The following PRKG2 variants were observed in gnomAD, a reference collection of about 807,000 sequenced individuals.
PRKG2 encodes the protein protein kinase cGMP-dependent 2.
A neutral mutation model predicts 97.2 loss-of-function variants in PRKG2; 33 were observed. That is an observed-to-expected ratio of 0.34 (90% confidence interval 0.26 to 0.45). The LOEUF is 0.45. PRKG2 is among the 20% of genes least tolerant of loss of function. PRKG2 has a pLI of 1.00. For missense variants in PRKG2, 638 were observed against 900.0 expected (o/e 0.71, Z 3.73); for synonymous variants, 330 against 321.8 (o/e 1.03, Z -0.27).
intron 17 of PRKG2, among the ~76,000 whole-genome samples, chr4:81,093,246 CTT>C (rs1189919170): frequency 2.0e-5 from 3 of 151,918 alleles, no homozygotes; most frequent in Non-Finnish European, 4.4e-5. Context: ...CTGGATTGTT[CTT>C]TCTCTAGATT....
rs1008817512 is a variant in PRKG2 at position 81,172,009 on chromosome 4, C to T, written c.629-205G>A. Among the ~76,000 whole-genome samples, 27 of 151,704 alleles carry T rather than the reference C, an allele frequency of 1.8e-4. 1 individual carries two copies. Among genetic ancestry groups the T allele is most frequent in the Admixed American group, 2.0e-4 (3 of 15,194 alleles). On this transcript the variant is annotated intron_variant, in intron 3 of 18. Transcript: ENST00000264399. Reference sequence around the variant, plus strand: ...TAGCTGGGTTGCCTTGAGAAACTTACGCTATCTGTCTGAAGTTCCTCATCA... The same window carrying T: ...TAGCTGGGTTGCCTTGAGAAACTTATGCTATCTGTCTGAAGTTCCTCATCA...
intron 1 of PRKG2, among the ~76,000 whole-genome samples, chr4:81,209,580 G>C (rs962091312): frequency 6.6e-6 from 1 of 152,048 alleles, no homozygotes; most frequent in African/African-American, 2.4e-5. Context: ...ACAAAACAAT[G>C]CTGCCTGTCA....
At chr4:81,118,111 T>C (rs1429896399) in intron 14 of PRKG2, among the ~76,000 whole-genome samples, 3 of 152,228 alleles carry the variant, frequency 2.0e-5, no homozygotes, top group South Asian at 2.1e-4. Context: ...GCTTTGTGGA[T>C]TGGCTTTTTT....
chr4:81,157,226 A>T (rs917792348), intron 6 of PRKG2, among the ~76,000 whole-genome samples: 2 of 152,192 alleles, frequency 1.3e-5, no homozygotes, highest in Non-Finnish European at 2.9e-5. Context: ...AAATAGATGC[A>T]ATAAAAAATG....
chr4:81,213,901 ATTCTTAGTCATACAGCGTTCCAAC>A (rs898459152), intron 1 of PRKG2, among the ~76,000 whole-genome samples: 5 of 152,066 alleles, frequency 3.3e-5, no homozygotes, highest in African/African-American at 1.2e-4. Context: ...CAGGTCGTTT[ATTCTTAGTCATACAGCGTTCCAAC>A]GGAGAGGATG....
intron 1 of PRKG2, among the ~76,000 whole-genome samples, chr4:81,211,040 G>C (rs1753945616): frequency 6.6e-6 from 1 of 152,084 alleles, no homozygotes; most frequent in Non-Finnish European, 1.5e-5. Context: ...CAGGAGCTTG[G>C]GGAAAGACAG....
At chr4:81,178,073 G>A (rs1326837342) in intron 2 of PRKG2, among the ~76,000 whole-genome samples, 2 of 141,226 alleles carry the variant, frequency 1.4e-5, no homozygotes, top group African/African-American at 5.1e-5. Flanking sequence ...AATCCTGGGT[G>A]TCTACCTGGG....
chr4:81,182,974 T>C (rs891583712), intron 2 of PRKG2, among the ~76,000 whole-genome samples: 2 of 152,054 alleles, frequency 1.3e-5, no homozygotes, highest in Non-Finnish European at 2.9e-5. Context: ...TCAGGTTCAA[T>C]GAAATCCCAA....
At chr4:81,116,034 T>C (rs1038699576) in intron 14 of PRKG2, among the ~76,000 whole-genome samples, 3 of 152,228 alleles carry the variant, frequency 2.0e-5, no homozygotes, top group Non-Finnish European at 2.9e-5. Flanking sequence ...TGAATCTTTT[T>C]TTTAACTTTT....
At chr4:81,092,731 C>T (rs557659682) in intron 17 of PRKG2, among the ~76,000 whole-genome samples, 228 of 152,304 alleles carry the variant, frequency 1.5e-3, no homozygotes, top group African/African-American at 5.1e-3. Context: ...TGTATCATGT[C>T]TGAACAGAAG....
intron 14 of PRKG2, among the ~76,000 whole-genome samples, chr4:81,132,587 G>T (rs562746132): frequency 2.0e-5 from 3 of 152,054 alleles, no homozygotes; most frequent in Admixed American, 6.6e-5. Flanking sequence ...GTTTTAATGT[G>T]GATCTCACCC....
chr4:81,217,067 A>ATATATATATATATATATATAT (rs1560637200), upstream of PRKG2, among the ~76,000 whole-genome samples: 2 of 139,706 alleles, frequency 1.4e-5, no homozygotes, highest in African/African-American at 5.3e-5. Context: ...GTATATATAT[A>ATATATATATATATATATATAT]ATATAAAACC....
chr4:81,182,359 T>C (rs1219427840), intron 2 of PRKG2, among the ~76,000 whole-genome samples: 1 of 151,994 alleles, frequency 6.6e-6, no homozygotes, highest in African/African-American at 2.4e-5. Flanking sequence ...ATTTTTGAAT[T>C]AAGAAATACT....
At chr4:81,159,887 C>T (rs1475008691) in intron 6 of PRKG2, among the ~76,000 whole-genome samples, 1 of 145,980 alleles carries the variant, frequency 6.9e-6, no homozygotes, top group African/African-American at 2.5e-5. Context: ...CATATTCTCA[C>T]TCATAGATGG....
chr4:81,184,090 G>C (rs1448254857), intron 2 of PRKG2, among the ~76,000 whole-genome samples: 2 of 152,198 alleles, frequency 1.3e-5, no homozygotes, highest in East Asian at 3.9e-4. Flanking sequence ...AAATGATCCT[G>C]CCTGCTGGCT....
At chr4:81,172,862 A>G (rs1020324745) in intron 3 of PRKG2, among the ~76,000 whole-genome samples, 1 of 152,150 alleles carries the variant, frequency 6.6e-6, no homozygotes, top group Non-Finnish European at 1.5e-5. Context: ...CCAGAGCCAT[A>G]GAGAGGACAA....
chr4:81,105,488 G>A (rs1400626393), intron 16 of PRKG2, among the ~76,000 whole-genome samples: 4 of 151,880 alleles, frequency 2.6e-5, no homozygotes, highest in East Asian at 1.9e-4. Context: ...CTTTTTCATT[G>A]CTGAAATAGT....
chr4:81,214,462 GA>G (rs1754171229), intron 1 of PRKG2, among the ~76,000 whole-genome samples: 1 of 150,960 alleles, frequency 6.6e-6, no homozygotes, highest in African/African-American at 2.4e-5. Context: ...ACGGTGCCCA[GA>G]GTGACAAAAG....
chr4:81,208,541 C>T (rs980764553), intron 1 of PRKG2, among the ~76,000 whole-genome samples: 5 of 152,148 alleles, frequency 3.3e-5, no homozygotes, highest in African/African-American at 1.2e-4. Flanking sequence ...CTTGCCTCAG[C>T]CTTCAGAGTA....
Sources: gnomAD v4.1 joint callset for allele counts (sites outside exome capture counted in the v4.1 genomes callset) on GRCh38, gnomAD v4.1.1 for gene constraint, MANE v1.5 for transcripts, NCBI Gene and HGNC (gene_info 2026-07-23, HGNC 2026-07-21) for gene names.